Variants in UBXN11 observed in about 807,000 individuals in gnomAD.
UBXN11 encodes UBX domain-containing protein 11.
Under a neutral mutation model 62.8 loss-of-function variants are expected in UBXN11, and 47 were observed. That is an observed-to-expected ratio of 0.75 (90% CI 0.59 to 0.95). The LOEUF is 0.95. Ranked by LOEUF, UBXN11 falls within the 40% of genes least tolerant of loss-of-function variation. UBXN11 has a pLI of 0.00. For missense variants in UBXN11, 638 were observed against 661.7 expected, an observed-to-expected ratio of 0.96 and a Z score of 0.39; for synonymous variants, 294 against 267.0, an observed-to-expected ratio of 1.10 and a Z score of -0.99.
chr1:26,310,923 C>A (rs764810658), upstream of UBXN11, among the ~76,000 whole-genome samples: 2 of 152,070 alleles, frequency 1.3e-5, no homozygotes, highest in Non-Finnish European at 1.5e-5. Context: ...CCGACCACTT[C>A]CAAGCTGGAA....
chr1:26,284,533 T>C, intron 10 of UBXN11, 51 bp from the exon 11 acceptor site: 1 of 1,535,860 alleles, frequency 6.5e-7, no homozygotes, highest in South Asian at 1.2e-5. Flanking sequence ...CTTCAGCCCT[T>C]GGCCCCACTT....
intron 10 of UBXN11, chr1:26,284,744 G>C: frequency 4.0e-6 from 5 of 1,253,638 alleles, no homozygotes; most frequent in Non-Finnish European, 5.0e-6. Flanking sequence ...CCTCTCAGGA[G>C]CCTACCGTGA....
Position 26,282,294 on chromosome 1 carries a change from G to A in UBXN11, c.*5C>T, listed in dbSNP as rs2072998209. The A allele has an allele frequency of 1.3e-6, 2 of 1,487,210 alleles. No individual in the cohort carries two copies. Among genetic ancestry groups the A allele is most frequent in the Admixed American group, 2.6e-5 (1 of 38,772 alleles). The allele number at this position is 1,487,210 out of a possible 1,614,324, so 92.1% of individuals were successfully genotyped here. On this transcript the variant is annotated 3_prime_UTR_variant, in exon 15 of 15. Coordinates refer to ENST00000374222, the MANE Select transcript of UBXN11 (RefSeq NM_001389556.1). ...GCGGAGCAGCGGGTTGAGGGGGCGG[G>A]TGCTTTATTGGGGGCTGGGACTGGG...
At chr1:26,296,796 C>G in intron 7 of UBXN11, 123 bp downstream of exon 7, 1 of 1,018,546 alleles carries the variant, frequency 9.8e-7, no homozygotes, top group Non-Finnish European at 1.4e-6. Context: ...GGGCAGGGTC[C>G]CTGGGTGGGA....
Position 26,294,188 on chromosome 1 carries a change from C to T in UBXN11, c.559+17G>A, listed in dbSNP as rs2073340971. On this transcript the variant is annotated intron_variant, in intron 8 of 14. Coordinates refer to ENST00000374222, the MANE Select transcript of UBXN11 (RefSeq NM_001389556.1). Reference sequence around the variant, plus strand: ...AATTCCTTTTGAAGAGGGCCTGGGGCAGACGCCCTGCTCTACCTGGCTTCC... The same window carrying T: ...AATTCCTTTTGAAGAGGGCCTGGGGTAGACGCCCTGCTCTACCTGGCTTCC... 6.2e-7 allele frequency: 1 copy of T among 1,613,268 alleles called. No homozygotes were observed.
intron 8 of UBXN11, among the ~76,000 whole-genome samples, chr1:26,290,305 G>A (rs950848373): frequency 5.3e-5 from 8 of 152,180 alleles, no homozygotes; most frequent in African/African-American, 1.4e-4. Context: ...CCGTCAGCAC[G>A]ACTGAGGAGG....
intron 8 of UBXN11, among the ~76,000 whole-genome samples, chr1:26,291,339 T>C (rs986866529): frequency 2.3e-4 from 35 of 152,250 alleles, no homozygotes; most frequent in African/African-American, 6.5e-4. Context: ...AAAAACGTCA[T>C]TCATCTGGCA....
intron 8 of UBXN11, among the ~76,000 whole-genome samples, chr1:26,291,796 C>T (rs140836309): frequency 3.9e-5 from 6 of 152,340 alleles, no homozygotes; most frequent in Non-Finnish European, 8.8e-5. Flanking sequence ...ACGACACCCA[C>T]CCTGGGTTCA....
intron 2 of UBXN11, among the ~76,000 whole-genome samples, chr1:26,302,528 C>T (rs879770293): frequency 1.3e-5 from 2 of 152,154 alleles, no homozygotes; most frequent in African/African-American, 2.4e-5. Flanking sequence ...GGTCCGTAGA[C>T]CATCTGTGTT....
chr1:26,282,869 T>C lies in UBXN11; in HGVS notation c.1146A>G (p.Arg382=). 6.2e-7 allele frequency: 1 copy of C among 1,614,140 alleles called. No individual in the cohort carries two copies. Among genetic ancestry groups the C allele is most frequent in the Non-Finnish European group, 8.5e-7 (1 of 1,180,008 alleles). ...VVETPTLAAE[R]ERSQESPNTP... The stretch of plus-strand genomic sequence containing the variant: ...CCTCCTCATCCCGCCCTCACCTCTC[T>C]CGCTCAGCGGCCAAGGTGGGCGTCT... The change falls in exon 13 of 15, where the codon CGA becomes CGG. Residue 382 remains arginine (R), a synonymous_variant. Coordinates refer to ENST00000374222, the MANE Select transcript of UBXN11 (RefSeq NM_001389556.1).
upstream of UBXN11, among the ~76,000 whole-genome samples, chr1:26,307,414 A>T (rs2073691001): frequency 6.6e-6 from 1 of 152,214 alleles, no homozygotes; most frequent in Non-Finnish European, 1.5e-5. Flanking sequence ...AATGCAAAGT[A>T]CACGATTTTA....
chr1:26,285,924 C>T lies in UBXN11; in HGVS notation c.673G>A (p.Ala225Thr), dbSNP rs767411129. 2 of 1,613,536 alleles carry T rather than the reference C, an allele frequency of 1.2e-6. No individual in the cohort carries two copies. Among genetic ancestry groups the T allele is most frequent in the African/African-American group, 2.7e-5 (2 of 74,932 alleles). ...DTQVTPVPGG[A>T]RLRTLEPIPL... ...ATGGGCTCGAGGGTACGCAGCCGTG[C>T]CCCGCCGGGCACTGGTGTCACTTGG... Residue 225 changes from alanine (A) to threonine (T), a missense_variant, in exon 9 of 15, where the codon GCA (alanine) becomes ACA (threonine). By Grantham distance (58) the Ala-to-Thr change is moderately conservative. Transcript: ENST00000374222.
chr1:26,297,589 C>A, intron 5 of UBXN11, 108 bp from the exon 6 acceptor site: 2 of 1,303,024 alleles, frequency 1.5e-6, no homozygotes, highest in African/African-American at 3.0e-5. Context: ...AGCAGCAAGC[C>A]CCTGCCACCC....
chr1:26,301,199 T>C (rs1347716101), intron 3 of UBXN11, 175 bp from the exon 4 acceptor site: 36 of 1,300,604 alleles, frequency 2.8e-5, no homozygotes, highest in South Asian at 7.4e-5. Flanking sequence ...GTTTTGGAGT[T>C]CTTCCAGTCC....
intron 4 of UBXN11, among the ~76,000 whole-genome samples, chr1:26,298,782 A>G (rs1229050775): frequency 2.1e-4 from 31 of 144,528 alleles, no homozygotes; most frequent in African/African-American, 8.2e-4. Context: ...CTGTCTCAGA[A>G]AAAAAAAAAA....
chr1:26,309,508 G>C (rs1331591060), upstream of UBXN11, among the ~76,000 whole-genome samples: 1 of 152,092 alleles, frequency 6.6e-6, no homozygotes, highest in Non-Finnish European at 1.5e-5. Flanking sequence ...AAAGTGCTGG[G>C]ATTACAGGTG....
At chr1:26,286,880 G>A (rs972727318) in intron 8 of UBXN11, among the ~76,000 whole-genome samples, 12 of 152,096 alleles carry the variant, frequency 7.9e-5, no homozygotes, top group African/African-American at 2.9e-4. Context: ...TGTATTTTTA[G>A]TAGAGATGGG....
chr1:26,304,509 T>C (rs1325247706), intron 1 of UBXN11, among the ~76,000 whole-genome samples: 3 of 152,044 alleles, frequency 2.0e-5, no homozygotes, highest in South Asian at 2.1e-4. Context: ...TCCCAACACT[T>C]TGGGAGGCCG....
upstream of UBXN11, among the ~76,000 whole-genome samples, chr1:26,311,168 C>T (rs2073741023): frequency 7.1e-6 from 1 of 141,704 alleles, no homozygotes; most frequent in African/African-American, 2.7e-5. Flanking sequence ...GAGACAGAAT[C>T]TCACTCTGTT....
Sources: gnomAD v4.1 joint callset for allele counts (sites outside exome capture counted in the v4.1 genomes callset) on GRCh38, gnomAD v4.1.1 for gene constraint, MANE v1.5 for transcripts, NCBI Gene and HGNC (gene_info 2026-07-23, HGNC 2026-07-21) for gene names.